Variants in LRRTM4 observed in about 807,000 individuals in gnomAD.
LRRTM4 encodes leucine-rich repeat transmembrane neuronal protein 4.
In LRRTM4, 25 loss-of-function variants were observed where a neutral mutation model predicts 47.6. The ratio of observed to expected loss-of-function variants is 0.53; its 90% CI spans 0.38 to 0.73. The LOEUF is 0.73. Ranked by LOEUF, LRRTM4 falls within the 30% of genes least tolerant of loss-of-function variation. LRRTM4 has a pLI of 0.00. For missense variants in LRRTM4, 638 were observed against 713.4 expected (o/e 0.89, Z 1.20); for synonymous variants, 311 against 269.5 (o/e 1.15, Z -1.51).
At chr2:77,250,526 T>C (rs1307903370) in intron 3 of LRRTM4, among the ~76,000 whole-genome samples, 4 of 152,222 alleles carry the variant, frequency 2.6e-5, no homozygotes, top group African/African-American at 7.2e-5. Flanking sequence ...ATATACACTA[T>C]GTAAATATAA....
At chr2:77,397,427 G>A (rs1225227361) in intron 3 of LRRTM4, among the ~76,000 whole-genome samples, 1 of 151,866 alleles carries the variant, frequency 6.6e-6, no homozygotes, top group African/African-American at 2.4e-5. Flanking sequence ...AATCAGTGAA[G>A]AGACATTTTA....
chr2:77,285,340 T>TTATATATATATATATATA (rs10527679), intron 3 of LRRTM4, among the ~76,000 whole-genome samples: 10,841 of 81,968 alleles, frequency 0.13, 1,692 homozygotes, highest in Non-Finnish European at 0.16. Context: ...AGCATTAAAT[T>TTATATATATATATATATA]TATATATATA....
At chr2:76,887,052 A>G (rs1280908448) in intron 3 of LRRTM4, among the ~76,000 whole-genome samples, 2 of 151,924 alleles carry the variant, frequency 1.3e-5, no homozygotes, top group East Asian at 3.8e-4. Flanking sequence ...TTATTGCTTC[A>G]TAATTATTAC....
intron 3 of LRRTM4, among the ~76,000 whole-genome samples, chr2:77,057,764 G>A (rs1388548180): frequency 1.3e-5 from 2 of 152,096 alleles, no homozygotes; most frequent in Non-Finnish European, 2.9e-5. Flanking sequence ...AAGAAGAACT[G>A]AGTTATTAAA....
At chr2:77,130,784 T>G (rs1366596397) in intron 3 of LRRTM4, among the ~76,000 whole-genome samples, 1 of 146,560 alleles carries the variant, frequency 6.8e-6, no homozygotes, top group Admixed American at 7.0e-5. Flanking sequence ...GTGCTGGGAT[T>G]ACAAGTGTGA....
In LRRTM4 at chr2:77,129,291, G is replaced by A. The variant is rs62168773; in HGVS notation, c.1552-380375C>T. 6.0e-3 allele frequency among the ~76,000 whole-genome samples: 909 copies of A among 152,274 alleles called. 3 individuals carry two copies. The highest frequency in any genetic ancestry group is 0.011 in the Non-Finnish European group (715 of 68,014). On this transcript the variant is annotated intron_variant, in intron 3 of 3. Coordinates refer to ENST00000409884, the MANE Select transcript of LRRTM4 (RefSeq NM_001134745.3). ...TTAGCAACCCAGAGTGGTAATCAAT[G>A]ATTTCAAGCTTTTTGAAATGTTAAA...
intron 3 of LRRTM4, among the ~76,000 whole-genome samples, chr2:77,008,759 C>G (rs1171789395): frequency 1.3e-5 from 2 of 152,016 alleles, no homozygotes; most frequent in African/African-American, 4.8e-5. Context: ...TCCAAATGTA[C>G]CATTTTTATA....
chr2:77,403,637 T>C (rs1335860586), intron 3 of LRRTM4, among the ~76,000 whole-genome samples: 5 of 151,900 alleles, frequency 3.3e-5, no homozygotes, highest in Non-Finnish European at 4.4e-5. Context: ...GCATTGGGGC[T>C]GTGATGTGGC....
chr2:76,778,056 T>C (rs1280481125), intron 3 of LRRTM4, among the ~76,000 whole-genome samples: 2 of 148,770 alleles, frequency 1.3e-5, no homozygotes, highest in Non-Finnish European at 3.0e-5. Flanking sequence ...ATATGCTGGA[T>C]TACATTTATT....
At chr2:76,981,951 A>G (rs1378485501) in intron 3 of LRRTM4, among the ~76,000 whole-genome samples, 1 of 152,054 alleles carries the variant, frequency 6.6e-6, no homozygotes, top group Non-Finnish European at 1.5e-5. Context: ...AATTTGGGTC[A>G]CTGAAAATTA....
At chr2:77,251,417 G>A (rs1386119273) in intron 3 of LRRTM4, among the ~76,000 whole-genome samples, 2 of 151,734 alleles carry the variant, frequency 1.3e-5, no homozygotes, top group Non-Finnish European at 2.9e-5. Flanking sequence ...AGAACAAGAA[G>A]TCACTACATG....
chr2:77,478,670 C>T (rs895138297), intron 3 of LRRTM4, among the ~76,000 whole-genome samples: 1 of 152,120 alleles, frequency 6.6e-6, no homozygotes, highest in African/African-American at 2.4e-5. Context: ...TCTGGGTTTT[C>T]AAGTGATTCA....
chr2:76,851,464 G>C (rs1671992627), intron 3 of LRRTM4, among the ~76,000 whole-genome samples: 1 of 152,088 alleles, frequency 6.6e-6, no homozygotes, highest in South Asian at 2.1e-4. Context: ...GCACAAGTGA[G>C]TTACCTAAAA....
intron 3 of LRRTM4, among the ~76,000 whole-genome samples, chr2:77,064,993 G>A (rs938565008): frequency 2.6e-5 from 4 of 151,946 alleles, no homozygotes; most frequent in African/African-American, 9.7e-5. Flanking sequence ...TTTAATTAAT[G>A]TTCATTATAG....
rs530235829 is a variant in LRRTM4, at chr2:77,516,053, G to C, written c.1551+2265C>G. On this transcript the variant is annotated intron_variant, in intron 3 of 3. Coordinates refer to ENST00000409884, the MANE Select transcript of LRRTM4 (RefSeq NM_001134745.3). ...AGCACCCCCCTCCTCATCCTAAATG[G>C]ACATATGATCTTAAATGTATAGCCT... Among the ~76,000 whole-genome samples, 3 of 151,816 alleles carry C rather than the reference G, an allele frequency of 2.0e-5. No individual in the cohort carries two copies. In the East Asian group the frequency reaches 5.8e-4, roughly 29 times the overall value.
intron 3 of LRRTM4, among the ~76,000 whole-genome samples, chr2:77,185,463 C>G (rs1673476530): frequency 6.6e-6 from 1 of 152,100 alleles, no homozygotes; most frequent in African/African-American, 2.4e-5. Context: ...ACTTATATAT[C>G]ACTCCCTTCT....
intron 3 of LRRTM4, among the ~76,000 whole-genome samples, chr2:76,936,885 G>T (rs1219201610): frequency 1.4e-5 from 2 of 141,844 alleles, no homozygotes; most frequent in Non-Finnish European, 3.0e-5. Flanking sequence ...AACCCAGGAG[G>T]CGGAAGTTGC....
At chr2:77,438,979 T>C (rs1450401169) in intron 3 of LRRTM4, among the ~76,000 whole-genome samples, 2 of 152,132 alleles carry the variant, frequency 1.3e-5, no homozygotes, top group Non-Finnish European at 2.9e-5. Context: ...AACCAAGCTA[T>C]CCTGCCAATT....
At chr2:77,218,980 G>A (rs962437937) in intron 3 of LRRTM4, among the ~76,000 whole-genome samples, 1 of 152,324 alleles carries the variant, frequency 6.6e-6, no homozygotes, top group Non-Finnish European at 1.5e-5. Context: ...TACGTGCTAG[G>A]CGCTGCCAGA....
Sources: gnomAD v4.1 joint callset for allele counts (sites outside exome capture counted in the v4.1 genomes callset) on GRCh38, gnomAD v4.1.1 for gene constraint, MANE v1.5 for transcripts, NCBI Gene and HGNC (gene_info 2026-07-23, HGNC 2026-07-21) for gene names.